IKZF5: variants seen among roughly 807,000 people sequenced by gnomAD.
IKZF5 encodes IKAROS family zinc finger 5, also known as zinc finger protein Pegasus.
Under a neutral mutation model 30.7 loss-of-function variants are expected in IKZF5, and 4 were observed. The observed-to-expected ratio is 0.13, with a 90% confidence interval of 0.06 to 0.30. IKZF5 has a LOEUF of 0.30. Ranked by LOEUF, IKZF5 falls within the 10% of genes least tolerant of loss-of-function variation. IKZF5 has a pLI of 1.00. For synonymous variants in IKZF5, 148 were observed against 179.6 expected (o/e 0.82, Z 1.41); for missense variants, 348 against 525.5 (o/e 0.66, Z 3.30).
In IKZF5 at chr10:122,992,852, A is replaced by T. The variant is rs1194558889; in HGVS notation, c.*928T>A. ...TGTTTCCATACCCACCTTTTCTTGGAAATTATGGGCAGAAAATGGATAGAA... is the reference window on the plus strand; with the variant it reads ...TGTTTCCATACCCACCTTTTCTTGGTAATTATGGGCAGAAAATGGATAGAA... On this transcript the variant is annotated 3_prime_UTR_variant, in exon 5 of 5. Transcript: ENST00000368886. 2.6e-5 allele frequency: 4 copies of T among 152,580 alleles called. No individual in the cohort carries two copies. The allele number at this position is 152,580 out of a possible 1,614,324, so 9.5% of individuals were successfully genotyped here.
chr10:123,007,418 G>A (rs945561923), intron 1 of IKZF5, among the ~76,000 whole-genome samples: 1 of 152,114 alleles, frequency 6.6e-6, no homozygotes, highest in African/African-American at 2.4e-5. Flanking sequence ...ATTAGTTTTT[G>A]GCAAGATTTT....
chr10:122,992,511 T>C lies in IKZF5; in HGVS notation c.*1269A>G, dbSNP rs575731591. 1.3e-5 allele frequency: 2 copies of C among 152,326 alleles called. No homozygotes were observed. The highest frequency in any genetic ancestry group is 3.4e-3 in the Middle Eastern group (1 of 294). 9.4% of individuals were successfully genotyped at this position (152,326 alleles called of 1,614,324 possible). ...AGAGTACGTGAGTTATTACACAATA[T>C]AAAAACAATAGCCTCCTATTCAAAA... On this transcript the variant is annotated 3_prime_UTR_variant, in exon 5 of 5. Coordinates refer to ENST00000368886, the MANE Select transcript of IKZF5 (RefSeq NM_001372123.1).
At chr10:123,006,108 T>C (rs999829248) in intron 2 of IKZF5, among the ~76,000 whole-genome samples, 3 of 151,920 alleles carry the variant, frequency 2.0e-5, no homozygotes, top group Non-Finnish European at 4.4e-5. Context: ...GCCAGTAGCG[T>C]CCCCCAATTT....
chr10:122,992,145 G>A lies in IKZF5; in HGVS notation c.*1635C>T, dbSNP rs1849184394. 2 of 152,188 alleles carry A rather than the reference G, an allele frequency of 1.3e-5. No individual in the cohort carries two copies. Among genetic ancestry groups the A allele is most frequent in the Admixed American group, 6.5e-5 (1 of 15,284 alleles). The allele number at this position is 152,188 out of a possible 1,614,324, so 9.4% of individuals were successfully genotyped here. ...TGACAAAGAAGAGAGTTCCAGTTTG[G>A]AGAAAGTGTCCTTGATGCTGCTCTT... On this transcript the variant is annotated 3_prime_UTR_variant, in exon 5 of 5. Transcript: ENST00000368886.
chr10:123,000,398 C>G (rs1467803070), intron 2 of IKZF5, among the ~76,000 whole-genome samples: 2 of 152,206 alleles, frequency 1.3e-5, no homozygotes, highest in Non-Finnish European at 2.9e-5. Flanking sequence ...TTGCATGCAA[C>G]TGAAGTTTGC....
At chr10:122,999,142 C>T (rs1330062839) in intron 2 of IKZF5, among the ~76,000 whole-genome samples, 3 of 152,140 alleles carry the variant, frequency 2.0e-5, no homozygotes, top group Non-Finnish European at 4.4e-5. Context: ...TGCAGTGAGC[C>T]GTGATTGCAC....
At position 123,008,770 on chromosome 10, in the gene IKZF5, ACAGTCG is replaced by A; in HGVS notation, c.-280_-275del. 9.9e-6 allele frequency: 6 copies of A among 608,568 alleles called. No individual in the cohort carries two copies. Among genetic ancestry groups the A allele is most frequent in the African/African-American group, 1.8e-5 (1 of 54,266 alleles). The allele number at this position is 608,568 out of a possible 1,614,324, so 37.7% of individuals were successfully genotyped here. On this transcript the variant is annotated 5_prime_UTR_variant, in exon 1 of 5. Transcript: ENST00000368886. Reference sequence around the variant, plus strand: ...CGCCGCCGCCGTCTTCGTCACCGTCACAGTCGCCGCCGCCATCTTTGTTGTGTCTCC... The same window carrying A: ...CGCCGCCGCCGTCTTCGTCACCGTCACCGCCGCCATCTTTGTTGTGTCTCC...
At position 122,993,828 on chromosome 10, in the gene IKZF5, C is replaced by T. The variant is rs755379194; in HGVS notation, c.1212G>A (p.Lys404=). ...TTGCAAAATGACAGGCAAAATCATA[C>T]TTGTTTTTACATTTGCATCCACATA... The part of the protein sequence containing the change: ...CNICGCKCKN[K]YDFACHFARG... The change falls in exon 5 of 5, where the codon AAG becomes AAA. Residue 404 remains lysine, a synonymous_variant. Coordinates refer to ENST00000368886, the MANE Select transcript of IKZF5 (RefSeq NM_001372123.1). 1 of 1,611,340 alleles carries T rather than the reference C, an allele frequency of 6.2e-7. No homozygotes were observed.
At position 122,994,108 on chromosome 10, in the gene IKZF5, G is replaced by T. The variant is rs1209706027; in HGVS notation, c.932C>A (p.Thr311Lys). 6.2e-7 allele frequency: 1 copy of T among 1,614,064 alleles called. No homozygotes were observed. Among genetic ancestry groups the T allele is most frequent in the Non-Finnish European group, 8.5e-7 (1 of 1,180,044 alleles). The change falls in exon 5 of 5, where the codon ACA (threonine) becomes AAA (lysine). Residue 311 changes from threonine (T) to lysine (K), a missense_variant. Coordinates refer to ENST00000368886, the MANE Select transcript of IKZF5 (RefSeq NM_001372123.1). The surrounding 1 kb of genome is among the most constrained non-coding windows in gnomAD (Gnocchi z 5.6). The stretch of plus-strand genomic sequence containing the variant: ...ATGGGATGGCCGAGGTTCTGGGCTT[G>T]TGGGAGAGGAGCTCTGAGGAATACT... ...SASIPQSSSPTSPEPRPSHSQ... is the reference protein window; with the variant it reads ...SASIPQSSSPKSPEPRPSHSQ...
intron 4 of IKZF5, among the ~76,000 whole-genome samples, chr10:122,995,379 C>G (rs1259260909): frequency 2.6e-5 from 4 of 152,148 alleles, no homozygotes; most frequent in Admixed American, 2.0e-4. Flanking sequence ...AGTCATTCAT[C>G]TAGTAAGTAT....
chr10:122,993,912 G>A lies in IKZF5; in HGVS notation c.1128C>T (p.Asn376=), dbSNP rs546901184. 1.9e-6 allele frequency: 3 copies of A among 1,614,170 alleles called. No homozygotes were observed. The highest frequency in any genetic ancestry group is 2.5e-6 in the Non-Finnish European group (3 of 1,180,010). The stretch of plus-strand genomic sequence containing the variant: ...ATCCCATATGAATAGTGTAAAGGAT[G>A]TTGTCTGCAAAGTACATATCACAGT... ...CQHCDMYFAD[N]ILYTIHMGCH... Residue 376 remains asparagine (N), a synonymous_variant, in exon 5 of 5, where the codon AAC becomes AAT. Transcript: ENST00000368886.
rs1209987360 is a variant in IKZF5 at position 122,994,304 on chromosome 10, G to C, written c.736C>G (p.Leu246Val). Residue 246 changes from leucine to valine, a missense_variant, in exon 5 of 5, where the codon CTC becomes GTC. Leu to Val is a conservative substitution (Grantham distance 32). Around this residue, in one of 4 missense-constraint regions of IKZF5, gnomAD observed 176 missense variants for 198.2 expected, o/e 0.89. Transcript: ENST00000368886. The surrounding 1 kb of genome is among the most constrained non-coding windows in gnomAD (Gnocchi z 5.6). ...TGATTCAAAGGGTTATCAACCATGA[G>C]TTCTTGGGGGTCCCTTGGAAGGCCA... is the stretch of plus-strand genomic sequence containing the variant. ...TGGLPRDPQE[L>V]MVDNPLNQLS... 6.2e-7 allele frequency: 1 copy of C among 1,614,014 alleles called. No homozygotes were observed. The highest frequency in any genetic ancestry group is 8.5e-7 in the Non-Finnish European group (1 of 1,180,032).
chr10:123,002,007 A>G (rs538691139), intron 2 of IKZF5, among the ~76,000 whole-genome samples: 15 of 152,344 alleles, frequency 9.8e-5, no homozygotes, highest in African/African-American at 3.6e-4. Flanking sequence ...ACTCAGTAAC[A>G]GGGCTGTTTT....
chr10:122,995,010 C>A (rs1410247767), intron 4 of IKZF5: 3 of 341,022 alleles, frequency 8.8e-6, no homozygotes, highest in African/African-American at 4.3e-5. Context: ...AGAAACAGTA[C>A]AATTGAAATA....
intron 1 of IKZF5, among the ~76,000 whole-genome samples, chr10:123,008,162 C>A (rs918895874): frequency 2.0e-5 from 3 of 152,174 alleles, no homozygotes; most frequent in Non-Finnish European, 4.4e-5. Flanking sequence ...GGTGCCCATG[C>A]AGTAGAGACG....
intron 4 of IKZF5, 53 bp downstream of exon 4, chr10:122,995,941 T>C: frequency 6.4e-7 from 1 of 1,564,836 alleles, no homozygotes; most frequent in South Asian, 1.1e-5. Flanking sequence ...CTGCCCCCCT[T>C]GGCCCCTCTC....
rs992986811 is a variant in IKZF5 at position 122,991,272 on chromosome 10, A to G, written c.*2508T>C. ...ACTTGAAGTTCAAGAAGTTGTAGCT[A>G]CATACTACATTAGTAAAATCTGAAA... is the stretch of plus-strand genomic sequence containing the variant. On this transcript the variant is annotated 3_prime_UTR_variant, in exon 5 of 5. Coordinates refer to ENST00000368886, the MANE Select transcript of IKZF5 (RefSeq NM_001372123.1). The G allele has an allele frequency of 3.3e-5, 5 of 152,226 alleles. No individual in the cohort carries two copies. Among genetic ancestry groups the G allele is most frequent in the Admixed American group, 3.3e-4 (5 of 15,286 alleles). 9.4% of individuals were successfully genotyped at this position (152,226 alleles called of 1,614,324 possible).
rs1849352326 is a variant in IKZF5, at chr10:122,995,942, G to A, written c.316+52C>T. 7 of 1,559,936 alleles carry A rather than the reference G, an allele frequency of 4.5e-6. No homozygotes were observed. The South Asian group carries it at 6.7e-5, about 15-fold the overall frequency. ...TATGACAAACCAACCTGCCCCCCTT[G>A]GCCCCTCTCCTGCCCTCACAGAAAT... On this transcript the variant is annotated intron_variant, in intron 4 of 4. Transcript: ENST00000368886.
Position 122,993,770 on chromosome 10 carries a change from C to A in IKZF5, c.*10G>T. Reference sequence around the variant, plus strand: ...AACAGCAAAACTAAGTAAAATATGACTATTTTCAATCAATGTTGGTTATGT... The same window carrying A: ...AACAGCAAAACTAAGTAAAATATGAATATTTTCAATCAATGTTGGTTATGT... On this transcript the variant is annotated 3_prime_UTR_variant, in exon 5 of 5. Coordinates refer to ENST00000368886, the MANE Select transcript of IKZF5 (RefSeq NM_001372123.1). The A allele has an allele frequency of 6.5e-7, 1 of 1,545,316 alleles. No homozygotes were observed. Among genetic ancestry groups the A allele is most frequent in the Non-Finnish European group, 8.8e-7 (1 of 1,139,772 alleles).
Sources: allele counts gnomAD v4.1 joint callset (sites outside exome capture counted in the v4.1 genomes callset), GRCh38; gene constraint gnomAD v4.1.1; regional missense constraint gnomAD v4.1.1; non-coding constraint Gnocchi (gnomAD v3.1); transcripts MANE v1.5; gene names NCBI Gene and HGNC (gene_info 2026-07-23, HGNC 2026-07-21).